PACS2: variants seen among roughly 807,000 people sequenced by gnomAD.
The protein encoded by PACS2 is PACS1-like protein.
A neutral mutation model predicts 113.0 loss-of-function variants in PACS2; 36 were observed. The ratio of observed to expected loss-of-function variants is 0.32; its 90% confidence interval spans 0.24 to 0.42. PACS2 has a LOEUF of 0.42. Among genes scored for constraint, PACS2 ranks in the 10% least tolerant of loss-of-function variants. PACS2 has a pLI of 1.00. For missense variants in PACS2, 1,015 were observed against 1,239.5 expected, an observed-to-expected ratio of 0.82 and a Z score of 2.72; for synonymous variants, 589 against 536.1, an observed-to-expected ratio of 1.10 and a Z score of -1.36.
chr14:105,389,732 G>A, intron 19 of PACS2: 1 of 585,838 alleles, frequency 1.7e-6, no homozygotes, highest in Non-Finnish European at 3.1e-6. Flanking sequence ...CTTCCAGCAT[G>A]TCAGCATGTC....
intron 22 of PACS2, chr14:105,392,348 A>T: frequency 2.0e-6 from 1 of 509,822 alleles, no homozygotes; most frequent in Non-Finnish European, 3.5e-6. Context: ...GGCCCTCACG[A>T]CTCCAAGGGG....
intron 1 of PACS2, among the ~76,000 whole-genome samples, chr14:105,339,931 A>G (rs2059662981): frequency 6.6e-6 from 1 of 152,162 alleles, no homozygotes; most frequent in Non-Finnish European, 1.5e-5. Flanking sequence ...GGCATGAGCC[A>G]CCACATCCGG....
At position 105,352,499 on chromosome 14, in the gene PACS2, C is replaced by T. The variant is rs782091071; in HGVS notation, c.297+32C>T. 2.2e-6 allele frequency: 3 copies of T among 1,365,186 alleles called. No individual in the cohort carries two copies. In the East Asian group the frequency reaches 6.9e-5, roughly 31 times the overall value. The allele number at this position is 1,365,186 out of a possible 1,614,324, so 84.6% of individuals were successfully genotyped here. A position where few individuals can be genotyped will look rare whatever the true frequency, so the allele number is the denominator to read the frequency against. ...CTTTCACCAGTGGTGACGACACCCTCATCACTGTCCCCTGGGGAGACGGGC... is the reference window on the plus strand; with the variant it reads ...CTTTCACCAGTGGTGACGACACCCTTATCACTGTCCCCTGGGGAGACGGGC... On this transcript the variant is annotated intron_variant, in intron 3 of 24. Transcript: ENST00000447393.
chr14:105,385,641 C>G lies in PACS2; in HGVS notation c.2001-44C>G, dbSNP rs782194093. ...GCGGTCCCTGGAGGGGTCCTGAGGGCGTCGTAACGTGTCTGTTTTCTCTTT... is the reference window on the plus strand; with the variant it reads ...GCGGTCCCTGGAGGGGTCCTGAGGGGGTCGTAACGTGTCTGTTTTCTCTTT... On this transcript the variant is annotated intron_variant, in intron 18 of 24. Coordinates refer to ENST00000447393, the MANE Select transcript of PACS2 (RefSeq NM_001100913.3). The G allele has an allele frequency of 4.2e-5, 60 of 1,439,750 alleles. 1 individual carries two copies. The Middle Eastern group carries it at 3.5e-3, about 84-fold the overall frequency. 89.2% of individuals were successfully genotyped at this position (1,439,750 alleles called of 1,614,324 possible). A position where few individuals can be genotyped will look rare whatever the true frequency, so the allele number is the denominator to read the frequency against.
intron 2 of PACS2, among the ~76,000 whole-genome samples, chr14:105,350,126 C>T (rs1386140522): frequency 6.6e-6 from 1 of 152,064 alleles, no homozygotes; most frequent in Non-Finnish European, 1.5e-5. Flanking sequence ...TGTGGCCATG[C>T]CCAGGGTGCC....
intron 1 of PACS2, among the ~76,000 whole-genome samples, chr14:105,302,306 C>G (rs1033400403): frequency 6.7e-6 from 1 of 148,864 alleles, no homozygotes; most frequent in African/African-American, 2.5e-5. Context: ...TGGGTTTAAG[C>G]GATTCTCCTC....
rs587654704 is a variant in PACS2, at chr14:105,371,866, C to T, written c.801+1966C>T. 9.2e-5 allele frequency: 14 copies of T among 152,352 alleles called. 1 individual carries two copies. Among genetic ancestry groups the T allele is most frequent in the East Asian group, 3.9e-4 (2 of 5,184 alleles). The allele number at this position is 152,352 out of a possible 1,614,324, so 9.4% of individuals were successfully genotyped here. On this transcript the variant is annotated intron_variant, in intron 8 of 24. Coordinates refer to ENST00000447393, the MANE Select transcript of PACS2 (RefSeq NM_001100913.3). ...TCCAAGATCAAGGTGCCAGTAGACTCGGTGTCTTGAGGGCCCGTTTCCCAT... is the reference window on the plus strand; with the variant it reads ...TCCAAGATCAAGGTGCCAGTAGACTTGGTGTCTTGAGGGCCCGTTTCCCAT...
chr14:105,303,853 A>G (rs958876845), intron 1 of PACS2, among the ~76,000 whole-genome samples: 5 of 152,230 alleles, frequency 3.3e-5, no homozygotes, highest in Non-Finnish European at 7.3e-5. Context: ...TTATGGCAAC[A>G]CTAGCTTGCA....
chr14:105,364,358 C>CGG (rs2060854468), intron 4 of PACS2, among the ~76,000 whole-genome samples: 1 of 115,642 alleles, frequency 8.6e-6, no homozygotes, highest in African/African-American at 4.7e-5. Context: ...GGCGGTGTCC[C>CGG]GGGTGCACGG....
rs758168026 is a variant in PACS2, at chr14:105,397,865, T to C, written c.*3193T>C. The C allele has an allele frequency of 6.6e-6, 1 of 152,132 alleles. No homozygotes were observed. Among genetic ancestry groups the C allele is most frequent in the African/African-American group, 2.4e-5 (1 of 41,424 alleles). The allele number at this position is 152,132 out of a possible 1,614,324, so 9.4% of individuals were successfully genotyped here. On this transcript the variant is annotated 3_prime_UTR_variant, in exon 25 of 25. Transcript: ENST00000447393. ...CCCCTCCCCGAGACCTGTCCTGCCG[T>C]CCGCGGGTGTGTGGCCTGTAGGGGA...
At chr14:105,372,489 A>T (rs1217026726) in intron 8 of PACS2, 1 of 152,250 alleles carries the variant, frequency 6.6e-6, no homozygotes, top group Non-Finnish European at 1.5e-5. Context: ...ATATGAACTT[A>T]AATCCTGCAC....
chr14:105,360,271 G>A (rs2060628266), intron 4 of PACS2, among the ~76,000 whole-genome samples: 1 of 152,170 alleles, frequency 6.6e-6, no homozygotes, highest in Non-Finnish European at 1.5e-5. Context: ...TGGGTGCGGT[G>A]GCTCATGCCT....
In PACS2 at chr14:105,321,443, G is replaced by A. The variant is rs1001942776; in HGVS notation, c.119+6406G>A. On this transcript the variant is annotated intron_variant, in intron 1 of 24. Coordinates refer to ENST00000447393, the MANE Select transcript of PACS2 (RefSeq NM_001100913.3). Reference sequence around the variant, plus strand: ...AGTGGGACGATCACAGCTCACTGTAGCCTTGAACTCCCAGGCTTAATCGAT... The same window carrying A: ...AGTGGGACGATCACAGCTCACTGTAACCTTGAACTCCCAGGCTTAATCGAT... 3.9e-5 allele frequency among the ~76,000 whole-genome samples: 6 copies of A among 152,018 alleles called. No individual in the cohort carries two copies. In the South Asian group the frequency reaches 8.3e-4, roughly 21 times the overall value.
At chr14:105,363,782 C>T (rs1302314636) in intron 4 of PACS2, among the ~76,000 whole-genome samples, 1 of 152,142 alleles carries the variant, frequency 6.6e-6, no homozygotes, top group African/African-American at 2.4e-5. Flanking sequence ...TCGGCTCTGA[C>T]GTGCCTTCTT....
rs1680518133 is a variant in PACS2, at chr14:105,355,962, G to C, written c.423+785G>C. On this transcript the variant is annotated intron_variant, in intron 4 of 24. Transcript: ENST00000447393. This position sits in a 1 kb window ranked among gnomAD's most constrained non-coding sequence, Gnocchi z 4.1. The stretch of plus-strand genomic sequence containing the variant: ...TCGTGGGGTTGTGTTCAGGGGTCCA[G>C]GGGCTGCGGGCGTGAGTGGTGCTTG... Among the ~76,000 whole-genome samples, 1 of 152,206 alleles carries C rather than the reference G, an allele frequency of 6.6e-6. No homozygotes were observed. The highest frequency in any genetic ancestry group is 2.4e-5 in the African/African-American group (1 of 41,458).
chr14:105,390,150 T>C (rs1555414489), intron 20 of PACS2, 147 bp downstream of exon 20: 9 of 781,302 alleles, frequency 1.2e-5, no homozygotes, highest in Non-Finnish European at 2.0e-5. Context: ...CTGGCCTGTC[T>C]CAAAGCTCGC....
intron 1 of PACS2, among the ~76,000 whole-genome samples, chr14:105,305,025 A>C (rs141797678): frequency 6.6e-6 from 1 of 152,218 alleles, no homozygotes; most frequent in African/African-American, 2.4e-5. Context: ...CCTTGCCCCA[A>C]GGCGATGGTT....
intron 1 of PACS2, among the ~76,000 whole-genome samples, chr14:105,328,693 A>G (rs2059205648): frequency 6.6e-6 from 1 of 152,120 alleles, no homozygotes; most frequent in Non-Finnish European, 1.5e-5. Context: ...CTTTCTGCTG[A>G]CCTGAACACC....
intron 4 of PACS2, among the ~76,000 whole-genome samples, chr14:105,360,742 C>T (rs1266453203): frequency 6.6e-6 from 1 of 152,086 alleles, no homozygotes; most frequent in Non-Finnish European, 1.5e-5. Flanking sequence ...CTTCTTTTCG[C>T]AGAATAGTTC....
Sources: allele counts gnomAD v4.1 joint callset (sites outside exome capture counted in the v4.1 genomes callset), GRCh38; gene constraint gnomAD v4.1.1; non-coding constraint Gnocchi (gnomAD v3.1); transcripts MANE v1.5; gene names NCBI Gene and HGNC (gene_info 2026-07-23, HGNC 2026-07-21).